Variants in LRPPRC observed in about 807,000 individuals in gnomAD.
The protein encoded by LRPPRC is leucine-rich PPR motif-containing protein, mitochondrial.
Under a neutral mutation model 180.3 loss-of-function variants are expected in LRPPRC, and 120 were observed. That is an observed-to-expected ratio of 0.67 (90% CI 0.57 to 0.77). LRPPRC has a LOEUF of 0.77. Ranked by LOEUF, LRPPRC falls within the 30% of genes least tolerant of loss-of-function variation. The pLI is 0.00. For missense variants in LRPPRC, 2,012 were observed against 1,657.2 expected (o/e 1.21, Z -3.72); for synonymous variants, 723 against 600.0 (o/e 1.21, Z -3.00).
chr2:43,963,473 C>A, intron 12 of LRPPRC, 115 bp downstream of exon 12: 3 of 768,112 alleles, frequency 3.9e-6, no homozygotes, highest in Non-Finnish European at 7.0e-6. Flanking sequence ...AAATTGTATA[C>A]AGATTTGACC....
At chr2:43,948,040 G>T in intron 18 of LRPPRC, 82 bp downstream of exon 18, 1 of 1,003,022 alleles carries the variant, frequency 1.0e-6, no homozygotes, top group Non-Finnish European at 1.6e-6. Context: ...CTGACCAAAA[G>T]CATCATATTT....
chr2:43,985,597 C>G (rs992020471), intron 1 of LRPPRC, among the ~76,000 whole-genome samples: 2 of 152,208 alleles, frequency 1.3e-5, no homozygotes, highest in Non-Finnish European at 2.9e-5. Context: ...GCTGCCCTTT[C>G]AGATTGGCTT....
At chr2:43,907,885 G>A (rs1671117481) in intron 30 of LRPPRC, among the ~76,000 whole-genome samples, 1 of 152,082 alleles carries the variant, frequency 6.6e-6, no homozygotes, top group Non-Finnish European at 1.5e-5. Context: ...AAGTTTTGTT[G>A]CCTTATGGTT....
intron 25 of LRPPRC, among the ~76,000 whole-genome samples, chr2:43,927,377 G>C (rs1411889678): frequency 6.6e-6 from 1 of 152,180 alleles, no homozygotes; most frequent in African/African-American, 2.4e-5. Flanking sequence ...AAAATTGGTA[G>C]ACTAGAAGTT....
chr2:43,924,022 G>T (rs1383604682), intron 27 of LRPPRC, among the ~76,000 whole-genome samples: 1 of 152,114 alleles, frequency 6.6e-6, no homozygotes, highest in Non-Finnish European at 1.5e-5. Flanking sequence ...ACACTGTGAA[G>T]TATGTATTTC....
intron 3 of LRPPRC, among the ~76,000 whole-genome samples, chr2:43,977,617 C>G (rs959358773): frequency 3.6e-4 from 55 of 152,240 alleles, no homozygotes; most frequent in African/African-American, 1.2e-3. Context: ...TAAAGCAGTC[C>G]TCACATTACA....
At chr2:43,974,978 C>A in intron 7 of LRPPRC, 113 bp downstream of exon 7, 1 of 1,167,728 alleles carries the variant, frequency 8.6e-7, no homozygotes, top group South Asian at 1.3e-5. Context: ...CTACTTTCTG[C>A]AAGGAAACAT....
In LRPPRC at chr2:43,947,917, TATTA is replaced by T; in HGVS notation, c.1921-146_1921-143del. The T allele has an allele frequency of 3.0e-6, 2 of 672,988 alleles. 1 individual carries two copies. Among genetic ancestry groups the T allele is most frequent in the Non-Finnish European group, 5.4e-6 (2 of 371,608 alleles). 41.7% of individuals were successfully genotyped at this position (672,988 alleles called of 1,614,324 possible). ...AATTTTAGACATTCTCTTCATACTT[TATTA>T]ATCAATGTAATTAACGTTATAAATA... On this transcript the variant is annotated intron_variant, in intron 18 of 37. Transcript: ENST00000260665.
intron 27 of LRPPRC, among the ~76,000 whole-genome samples, chr2:43,918,974 A>G (rs1202330867): frequency 6.6e-6 from 1 of 152,016 alleles, no homozygotes; most frequent in Non-Finnish European, 1.5e-5. Flanking sequence ...GTATACATAT[A>G]TCTATGATCT....
chr2:43,917,926 T>C, intron 29 of LRPPRC, 99 bp downstream of exon 29: 2 of 786,822 alleles, frequency 2.5e-6, no homozygotes, highest in African/African-American at 1.7e-5. Flanking sequence ...GTCCTATCTC[T>C]ATCCTAGAGC....
intron 2 of LRPPRC, among the ~76,000 whole-genome samples, chr2:43,980,479 G>T (rs1045416286): frequency 3.3e-5 from 5 of 150,852 alleles, no homozygotes; most frequent in Non-Finnish European, 7.4e-5. Context: ...CTTGAACCCA[G>T]GAGGTGGAGG....
chr2:43,948,280 G>T, intron 17 of LRPPRC, 81 bp from the exon 18 acceptor site: 1 of 971,728 alleles, frequency 1.0e-6, no homozygotes, highest in South Asian at 1.3e-5. Context: ...AATTATCTCA[G>T]ACATAATTTA....
intron 22 of LRPPRC, 87 bp from the exon 23 acceptor site, chr2:43,943,981 G>C (rs950789608): frequency 1.1e-6 from 1 of 930,580 alleles, no homozygotes; most frequent in East Asian, 2.5e-5. Flanking sequence ...AGCCCAGCAG[G>C]AATGTAAATT....
intron 16 of LRPPRC, 142 bp downstream of exon 16, chr2:43,949,460 A>G (rs1203896529): frequency 1.0e-5 from 7 of 698,072 alleles, no homozygotes; most frequent in Non-Finnish European, 1.8e-5. Flanking sequence ...AAATGTTGTA[A>G]TCAATATAAA....
intron 1 of LRPPRC, among the ~76,000 whole-genome samples, chr2:43,991,059 T>C (rs1674756700): frequency 6.6e-6 from 1 of 150,628 alleles, no homozygotes; most frequent in African/African-American, 2.4e-5. Flanking sequence ...AGATGGGGTC[T>C]CACTCTGTCA....
At chr2:43,916,575 G>C (rs1387468674) in intron 29 of LRPPRC, among the ~76,000 whole-genome samples, 2 of 152,084 alleles carry the variant, frequency 1.3e-5, no homozygotes, top group Admixed American at 6.6e-5. Context: ...GCCACAAAAA[G>C]TTATTTTCAA....
At position 43,896,687 on chromosome 2, in the gene LRPPRC, G is replaced by C. The variant is rs905150786; in HGVS notation, c.3847C>G (p.Gln1283Glu). ...LLQRCGAIAE[Q>E]TPILLLFLLR... is the part of the protein sequence containing the mutation. ...AGGAACAACAACAAAATCGGGGTTT[G>C]TTCAGCAATTGCACCACATCTCTAA... is the stretch of plus-strand genomic sequence containing the variant. Residue 1283 changes from glutamine to glutamate, a missense_variant, in exon 35 of 38, where the codon CAA (glutamine) becomes GAA (glutamate). Physicochemically the swap from Gln to Glu is conservative, Grantham distance 29. Transcript: ENST00000260665. 3.7e-6 allele frequency: 6 copies of C among 1,610,236 alleles called. No individual in the cohort carries two copies. In the African/African-American group the frequency reaches 6.7e-5, roughly 18 times the overall value.
chr2:43,887,143 C>CAAAAAGAAAA lies in LRPPRC; in HGVS notation c.*1456_*1457insTTTTCTTTTT, dbSNP rs755308534. On this transcript the variant is annotated 3_prime_UTR_variant, in exon 38 of 38. Transcript: ENST00000260665. ...CTTAAGCAACAGAGCAAGACTATCTCAAAAAAAAAAAAAAAAAAAAAGATG... is the reference window on the plus strand; with the variant it reads ...CTTAAGCAACAGAGCAAGACTATCTCAAAAAGAAAAAAAAAAAAAAAAAAAAAAAAAGATG... 5.9e-4 allele frequency: 43 copies of CAAAAAGAAAA among 73,206 alleles called. 2 individuals carry two copies. Among genetic ancestry groups the CAAAAAGAAAA allele is most frequent in the Admixed American group, 1.9e-3 (10 of 5,398 alleles). 4.5% of individuals were successfully genotyped at this position (73,206 alleles called of 1,614,324 possible).
intron 30 of LRPPRC, among the ~76,000 whole-genome samples, chr2:43,911,268 G>T (rs188253850): frequency 9.5e-4 from 145 of 151,912 alleles, no homozygotes; most frequent in African/African-American, 3.3e-3. Flanking sequence ...ACATACAAAT[G>T]ATGATTCAAG....
Sources: allele counts gnomAD v4.1 joint callset (sites outside exome capture counted in the v4.1 genomes callset), GRCh38; gene constraint gnomAD v4.1.1; transcripts MANE v1.5; gene names NCBI Gene and HGNC (gene_info 2026-07-23, HGNC 2026-07-21).